The following FAM163B variants were observed in gnomAD, a reference collection of about 807,000 sequenced individuals.
FAM163B encodes protein FAM163B.
Under a neutral mutation model 7.6 loss-of-function variants are expected in FAM163B, and 4 were observed. The observed-to-expected ratio is 0.52, with a 90% CI of 0.26 to 1.20. FAM163B has a LOEUF of 1.20. Ranked by LOEUF, FAM163B falls within the 50% of genes most tolerant of loss-of-function variation. The probability of loss-of-function intolerance (pLI) is 0.14; values close to 1 mark genes in which losing one functional copy is unlikely to be tolerated. For synonymous variants in FAM163B, 120 were observed against 111.6 expected, an observed-to-expected ratio of 1.07 and a Z score of -0.47; for missense variants, 250 against 243.0, an observed-to-expected ratio of 1.03 and a Z score of -0.19.
chr9:133,601,534 G>A lies in FAM163B; in HGVS notation c.-24+7543C>T, dbSNP rs1831729669. ...TCTCTGGAGTTCCCTTCCGATTACT[G>A]AAACCCCCATAACTGGAGAATTTCG... On this transcript the variant is annotated intron_variant, in intron 1 of 2. Transcript: ENST00000673969. This position sits in a 1 kb window ranked among gnomAD's most constrained non-coding sequence, Gnocchi z 4.1. Among the ~76,000 whole-genome samples the A allele has an allele frequency of 6.6e-6, 1 of 152,248 alleles. No homozygotes were observed. Among genetic ancestry groups the A allele is most frequent in the African/African-American group, 2.4e-5 (1 of 41,528 alleles).
At chr9:133,582,331 G>A (rs1023733946) in intron 1 of FAM163B, among the ~76,000 whole-genome samples, 4 of 152,270 alleles carry the variant, frequency 2.6e-5, no homozygotes, top group African/African-American at 4.8e-5. Flanking sequence ...TATTTGATGC[G>A]TTTCAGTCCA....
At chr9:133,595,946 G>T (rs754556693) in intron 1 of FAM163B, among the ~76,000 whole-genome samples, 79 of 152,320 alleles carry the variant, frequency 5.2e-4, no homozygotes, top group Middle Eastern at 6.8e-3. Context: ...AATGAGAAGT[G>T]AATGTGTTCA....
At chr9:133,603,849 T>C (rs1831759044) in intron 1 of FAM163B, among the ~76,000 whole-genome samples, 1 of 152,190 alleles carries the variant, frequency 6.6e-6, no homozygotes, top group African/African-American at 2.4e-5. Flanking sequence ...TTTTCTTTTT[T>C]TGGGGGAGGG....
chr9:133,589,905 G>A lies in FAM163B; in HGVS notation c.-23-9659C>T, dbSNP rs568401130. On this transcript the variant is annotated intron_variant, in intron 1 of 2. Coordinates refer to ENST00000673969, the MANE Select transcript of FAM163B (RefSeq NM_001080515.3). Reference sequence around the variant, plus strand: ...CCAGCCGTGGGTCAGGAAATGGGGGGTGGGAGGGTAGGGCCTGAAAACCCC... The same window carrying A: ...CCAGCCGTGGGTCAGGAAATGGGGGATGGGAGGGTAGGGCCTGAAAACCCC... Among the ~76,000 whole-genome samples, 7 of 152,118 alleles carry A rather than the reference G, an allele frequency of 4.6e-5. No individual in the cohort carries two copies. The East Asian group carries it at 7.8e-4, about 17-fold the overall frequency.
At position 133,600,558 on chromosome 9, in the gene FAM163B, C is replaced by T. The variant is rs1831708467; in HGVS notation, c.-24+8519G>A. Among the ~76,000 whole-genome samples, 1 of 152,100 alleles carries T rather than the reference C, an allele frequency of 6.6e-6. No homozygotes were observed. The highest frequency in any genetic ancestry group is 2.1e-4 in the South Asian group (1 of 4,808). Reference sequence around the variant, plus strand: ...ATTTAAAGCTGGGCCCAGCTTGTTCCCTGGAGCTTTCGATGGGGTCTGCAG... The same window carrying T: ...ATTTAAAGCTGGGCCCAGCTTGTTCTCTGGAGCTTTCGATGGGGTCTGCAG... On this transcript the variant is annotated intron_variant, in intron 1 of 2. Coordinates refer to ENST00000673969, the MANE Select transcript of FAM163B (RefSeq NM_001080515.3). The surrounding 1 kb of genome is among the most constrained non-coding windows in gnomAD (Gnocchi z 4.9).
rs1224144062 is a variant in FAM163B at position 133,601,677 on chromosome 9, T to C, written c.-24+7400A>G. Among the ~76,000 whole-genome samples, 2 of 152,230 alleles carry C rather than the reference T, an allele frequency of 1.3e-5. No homozygotes were observed. Among genetic ancestry groups the C allele is most frequent in the Admixed American group, 6.5e-5 (1 of 15,284 alleles). On this transcript the variant is annotated intron_variant, in intron 1 of 2. Transcript: ENST00000673969. This position sits in a 1 kb window ranked among gnomAD's most constrained non-coding sequence, Gnocchi z 4.1. ...CTGAGGATGTTTTGCTGGTTTTGAA[T>C]GTTTTGAGTGAAGACCCTGATGGGA...
chr9:133,597,022 A>G (rs994733948), intron 1 of FAM163B, among the ~76,000 whole-genome samples: 1 of 152,238 alleles, frequency 6.6e-6, no homozygotes, highest in Non-Finnish European at 1.5e-5. Context: ...GCTGCATCCC[A>G]GAACAGACAT....
chr9:133,588,640 A>G (rs1588325963), intron 1 of FAM163B, among the ~76,000 whole-genome samples: 3 of 145,522 alleles, frequency 2.1e-5, no homozygotes, highest in South Asian at 2.1e-4. Context: ...TGAGGGATCT[A>G]GCAGGTTGAA....
rs1288215367 is a variant in FAM163B at position 133,601,375 on chromosome 9, C to A, written c.-24+7702G>T. 6.6e-6 allele frequency among the ~76,000 whole-genome samples: 1 copy of A among 152,202 alleles called. No individual in the cohort carries two copies. Among genetic ancestry groups the A allele is most frequent in the East Asian group, 1.9e-4 (1 of 5,196 alleles). On this transcript the variant is annotated intron_variant, in intron 1 of 2. Transcript: ENST00000673969. The surrounding 1 kb of genome is among the most constrained non-coding windows in gnomAD (Gnocchi z 4.1). ...TCCTTTTTAAATAGATTGGGCTCAG[C>A]CATTTTTAAACGAGTGGAGGTGTGC... is the stretch of plus-strand genomic sequence containing the variant.
rs780492376 is a variant in FAM163B, at chr9:133,587,735, G to C, written c.-23-7489C>G. On this transcript the variant is annotated intron_variant, in intron 1 of 2. Coordinates refer to ENST00000673969, the MANE Select transcript of FAM163B (RefSeq NM_001080515.3). ...GTGGCTTGCGTCCCCGACGGGTGTG[G>C]CTGGGACTCTCAGGCTGGAGCTTTG... is the stretch of plus-strand genomic sequence containing the variant. Among the ~76,000 whole-genome samples, 101 of 152,216 alleles carry C rather than the reference G, an allele frequency of 6.6e-4. 1 individual carries two copies. In the South Asian group the frequency reaches 0.011, roughly 16 times the overall value.
At chr9:133,595,642 C>T (rs1831621231) in intron 1 of FAM163B, among the ~76,000 whole-genome samples, 1 of 152,118 alleles carries the variant, frequency 6.6e-6, no homozygotes, top group African/African-American at 2.4e-5. Flanking sequence ...GCCTCAGGTT[C>T]CCCTTCCTTC....
chr9:133,598,041 G>A (rs1001985018), intron 1 of FAM163B, among the ~76,000 whole-genome samples: 2 of 151,938 alleles, frequency 1.3e-5, no homozygotes, highest in Non-Finnish European at 2.9e-5. Context: ...TTTCTCACTG[G>A]GTTTGGGTCC....
At chr9:133,586,019 GC>G (rs1187674460) in intron 1 of FAM163B, 1 of 152,258 alleles carries the variant, frequency 6.6e-6, no homozygotes, top group African/African-American at 2.4e-5. Flanking sequence ...GAGGAGAGCA[GC>G]CCGCAGAGTT....
At chr9:133,596,432 C>T (rs184608750) in intron 1 of FAM163B, among the ~76,000 whole-genome samples, 4 of 152,248 alleles carry the variant, frequency 2.6e-5, no homozygotes, top group African/African-American at 4.8e-5. Context: ...TCACCCTTGT[C>T]GTGCAAAGCA....
chr9:133,579,532 G>C, intron 2 of FAM163B, 103 bp from the exon 3 acceptor site: 1 of 1,419,164 alleles, frequency 7.0e-7, no homozygotes, highest in Non-Finnish European at 9.4e-7. Flanking sequence ...AGGCACGGTG[G>C]GAGTGGGGTG....
intron 1 of FAM163B, among the ~76,000 whole-genome samples, chr9:133,597,396 T>G (rs1418298451): frequency 2.6e-5 from 4 of 151,964 alleles, no homozygotes; most frequent in Admixed American, 1.3e-4. Flanking sequence ...AAGAAAACAT[T>G]AGTGAACTTG....
intron 2 of FAM163B, 89 bp downstream of exon 2, chr9:133,580,042 C>T (rs1831331985): frequency 8.8e-7 from 1 of 1,138,420 alleles, no homozygotes; most frequent in Non-Finnish European, 1.3e-6. Flanking sequence ...GGCCGTGACC[C>T]TTGTGACCTT....
intron 1 of FAM163B, among the ~76,000 whole-genome samples, chr9:133,587,946 G>A (rs1196679847): frequency 6.6e-6 from 1 of 150,576 alleles, no homozygotes; most frequent in Non-Finnish European, 1.5e-5. Context: ...AGAAAAAGGT[G>A]ATGGGCGAAC....
intron 1 of FAM163B, among the ~76,000 whole-genome samples, chr9:133,604,387 C>T (rs1831765067): frequency 2.0e-5 from 3 of 152,130 alleles, no homozygotes; most frequent in African/African-American, 4.8e-5. Flanking sequence ...ACTGGTCTCT[C>T]GGTGGTGCCC....
Sources: allele counts gnomAD v4.1 joint callset (sites outside exome capture counted in the v4.1 genomes callset), GRCh38; gene constraint gnomAD v4.1.1; non-coding constraint Gnocchi (gnomAD v3.1); transcripts MANE v1.5; gene names NCBI Gene and HGNC (gene_info 2026-07-23, HGNC 2026-07-21).